Variants in RC3H1 observed in about 807,000 individuals in gnomAD.
The protein encoded by RC3H1 is ring finger and CCCH-type domains 1.
A neutral mutation model predicts 138.2 loss-of-function variants in RC3H1; 50 were observed. That is an observed-to-expected ratio of 0.36 (90% confidence interval 0.29 to 0.46). The LOEUF (loss-of-function observed/expected upper bound fraction) is 0.46. Ranked by LOEUF, RC3H1 falls within the 20% of genes least tolerant of loss-of-function variation. The pLI, the probability that RC3H1 is intolerant of heterozygous loss-of-function variation, is 1.00. For synonymous variants in RC3H1, 462 were observed against 489.1 expected (o/e 0.94, Z 0.73); for missense variants, 1,031 against 1,388.1 (o/e 0.74, Z 4.09).
chr1:173,989,523 T>C (rs1661173920), intron 2 of RC3H1, among the ~76,000 whole-genome samples: 1 of 152,138 alleles, frequency 6.6e-6, no homozygotes, highest in Admixed American at 6.6e-5. Flanking sequence ...GTTTTTAATT[T>C]TGATGTTCAA....
intron 1 of RC3H1, among the ~76,000 whole-genome samples, chr1:174,021,810 C>T (rs1054682672): frequency 6.6e-6 from 1 of 152,236 alleles, no homozygotes; most frequent in Non-Finnish European, 1.5e-5. Flanking sequence ...TCGCCCCCTC[C>T]CTCTCGTCCG....
chr1:173,932,873 C>T lies in RC3H1; in HGVS notation c.*5848G>A, dbSNP rs572138645. 7.9e-5 allele frequency: 12 copies of T among 152,180 alleles called. No individual in the cohort carries two copies. The highest frequency in any genetic ancestry group is 2.2e-4 in the African/African-American group (9 of 41,540). The allele number at this position is 152,180 out of a possible 1,614,324, so 9.4% of individuals were successfully genotyped here. On this transcript the variant is annotated 3_prime_UTR_variant, in exon 20 of 20. Transcript: ENST00000367696. ...AGTTTGTTTCCAATCTTTTTCTTGACTCTTTCATACACTCACTGGGGTGGG... is the reference window on the plus strand; with the variant it reads ...AGTTTGTTTCCAATCTTTTTCTTGATTCTTTCATACACTCACTGGGGTGGG...
chr1:173,980,938 C>T lies in RC3H1; in HGVS notation c.840G>A (p.Arg280=). ...GCACTATCTGGGAGTCATGTTCTCGCCGCAGAGCTTCATAGGTTCTAAATT... is the reference window on the plus strand; with the variant it reads ...GCACTATCTGGGAGTCATGTTCTCGTCGCAGAGCTTCATAGGTTCTAAATT... The part of the protein sequence containing the change: ...KEEFRTYEAL[R]REHDSQIVQI... The change falls in exon 6 of 20, where the codon CGG becomes CGA. Residue 280 remains arginine (R), a synonymous_variant. Coordinates refer to ENST00000367696, the MANE Select transcript of RC3H1 (RefSeq NM_172071.4). 6.2e-7 allele frequency: 1 copy of T among 1,613,988 alleles called. No homozygotes were observed. Among genetic ancestry groups the T allele is most frequent in the Non-Finnish European group, 8.5e-7 (1 of 1,179,902 alleles).
rs369075742 is a variant in RC3H1, at chr1:173,946,529, A to G, written c.2908T>C (p.Leu970=). 17 of 1,614,030 alleles carry G rather than the reference A, an allele frequency of 1.1e-5. No individual in the cohort carries two copies. In the African/African-American group the frequency reaches 1.9e-4, roughly 18 times the overall value. Residue 970 remains leucine, a synonymous_variant, in exon 17 of 20, where the codon TTG becomes CTG. Coordinates refer to ENST00000367696, the MANE Select transcript of RC3H1 (RefSeq NM_172071.4). ...SAEREQLRLE[L]QQLNHQISQQ... ...CTAATCTGATGGTTCAATTGCTGCA[A>G]TTCTAGTCGTAGCTGTTCTCTCTCA... is the stretch of plus-strand genomic sequence containing the variant.
chr1:173,997,796 C>T (rs1450456094), intron 1 of RC3H1, among the ~76,000 whole-genome samples: 1 of 152,136 alleles, frequency 6.6e-6, no homozygotes, highest in Non-Finnish European at 1.5e-5. Context: ...AACAGAAAGT[C>T]ACTCTTAGAT....
At chr1:173,998,144 A>G (rs1250803748) in intron 1 of RC3H1, among the ~76,000 whole-genome samples, 1 of 152,222 alleles carries the variant, frequency 6.6e-6, no homozygotes, top group East Asian at 1.9e-4. Context: ...AAACTAAAAA[A>G]GGGCCACAAA....
At chr1:173,990,898 G>A (rs563445229) in intron 2 of RC3H1, among the ~76,000 whole-genome samples, 12 of 152,264 alleles carry the variant, frequency 7.9e-5, no homozygotes, top group South Asian at 6.2e-4. Flanking sequence ...CACTGTGCCT[G>A]GCCTAAGAAA....
chr1:173,961,002 G>T, intron 13 of RC3H1, 75 bp downstream of exon 13: 1 of 1,413,814 alleles, frequency 7.1e-7, no homozygotes, highest in Non-Finnish European at 9.7e-7. Context: ...ACACCATTGG[G>T]AATAGGCAAA....
chr1:173,983,983 C>T (rs1447010693), intron 3 of RC3H1, among the ~76,000 whole-genome samples: 1 of 151,992 alleles, frequency 6.6e-6, no homozygotes, highest in African/African-American at 2.4e-5. Flanking sequence ...TCTTGAAGTC[C>T]TAAGAGTTCT....
At chr1:174,007,921 T>C (rs535674623) in intron 1 of RC3H1, among the ~76,000 whole-genome samples, 10 of 152,204 alleles carry the variant, frequency 6.6e-5, no homozygotes, top group Non-Finnish European at 1.0e-4. Flanking sequence ...AGATTTCTCA[T>C]GTTGAACTGG....
At chr1:173,961,611 GCT>G (rs1054861690) in intron 12 of RC3H1, 112 bp downstream of exon 12, 17 of 968,280 alleles carry the variant, frequency 1.8e-5, no homozygotes, top group African/African-American at 1.5e-4. Flanking sequence ...AAAAAAAGAA[GCT>G]CTCTTATAAA....
Position 173,932,899 on chromosome 1 carries a change from G to C in RC3H1, c.*5822C>G, listed in dbSNP as rs192644564. 1 of 151,900 alleles carries C rather than the reference G, an allele frequency of 6.6e-6. No homozygotes were observed. Among genetic ancestry groups the C allele is most frequent in the Non-Finnish European group, 1.5e-5 (1 of 67,940 alleles). The allele number at this position is 151,900 out of a possible 1,614,324, so 9.4% of individuals were successfully genotyped here. The stretch of plus-strand genomic sequence containing the variant: ...TCTTTCATACACTCACTGGGGTGGG[G>C]GACCACCTGACAGTTTCCAGTTATA... On this transcript the variant is annotated 3_prime_UTR_variant, in exon 20 of 20. Coordinates refer to ENST00000367696, the MANE Select transcript of RC3H1 (RefSeq NM_172071.4).
At chr1:173,965,715 T>C (rs1270969246) in intron 9 of RC3H1, among the ~76,000 whole-genome samples, 7 of 152,252 alleles carry the variant, frequency 4.6e-5, no homozygotes, top group East Asian at 3.8e-4. Context: ...CTTTAGAAGA[T>C]AGTTTCTGAA....
rs1225016623 is a variant in RC3H1, at chr1:173,936,369, C to G, written c.*2352G>C. ...AAGAAGGTTGTAGTACAAAAATTAGCTGGACGTGGTGGCGCGTGCCTGTAG... is the reference window on the plus strand; with the variant it reads ...AAGAAGGTTGTAGTACAAAAATTAGGTGGACGTGGTGGCGCGTGCCTGTAG... On this transcript the variant is annotated 3_prime_UTR_variant, in exon 20 of 20. Transcript: ENST00000367696. 2 of 151,738 alleles carry G rather than the reference C, an allele frequency of 1.3e-5. No homozygotes were observed. The highest frequency in any genetic ancestry group is 6.6e-5 in the Admixed American group (1 of 15,236). 9.4% of individuals were successfully genotyped at this position (151,738 alleles called of 1,614,324 possible).
At chr1:173,959,712 A>G (rs1659787200) in intron 13 of RC3H1, among the ~76,000 whole-genome samples, 1 of 152,114 alleles carries the variant, frequency 6.6e-6, no homozygotes, top group Non-Finnish European at 1.5e-5. Context: ...CGGTGGTTGC[A>G]GTGAGCTGAG....
At chr1:173,981,144 T>C (rs1884994) in intron 5 of RC3H1, 135 bp from the exon 6 acceptor site, 201,588 of 705,834 alleles carry the variant, frequency 0.29, 39,405 homozygotes, top group African/African-American at 0.8. Context: ...CTGCAAAATA[T>C]TTTCTCCTTA....
chr1:173,985,655 C>G (rs996228617), intron 2 of RC3H1, among the ~76,000 whole-genome samples: 31 of 152,096 alleles, frequency 2.0e-4, no homozygotes, highest in African/African-American at 6.8e-4. Flanking sequence ...AAAATCTACT[C>G]TTTTAGCAAT....
intron 1 of RC3H1, among the ~76,000 whole-genome samples, chr1:174,004,957 G>C (rs531245218): frequency 1.3e-3 from 201 of 152,176 alleles, no homozygotes; most frequent in South Asian, 3.5e-3. Context: ...CTTTCTATTA[G>C]AGAATACGTG....
chr1:173,970,447 T>C (rs1660308740), intron 9 of RC3H1, 58 bp downstream of exon 9: 9 of 1,066,408 alleles, frequency 8.4e-6, no homozygotes, highest in South Asian at 7.6e-5. Flanking sequence ...TATTTCTGTA[T>C]GTCAGCGAAT....
Sources: allele counts gnomAD v4.1 joint callset (sites outside exome capture counted in the v4.1 genomes callset), GRCh38; gene constraint gnomAD v4.1.1; transcripts MANE v1.5; gene names NCBI Gene and HGNC (gene_info 2026-07-23, HGNC 2026-07-21).